The following PPM1H variants were observed in gnomAD, a reference collection of about 807,000 sequenced individuals.
The protein encoded by PPM1H is protein phosphatase, Mg2+/Mn2+ dependent 1H.
In PPM1H, 27 loss-of-function variants were observed where a neutral mutation model predicts 54.9. The ratio of observed to expected loss-of-function variants is 0.49; its 90% CI spans 0.36 to 0.68. PPM1H has a LOEUF of 0.68. PPM1H is among the 30% of genes least tolerant of loss of function. The probability of loss-of-function intolerance (pLI) is 0.00; values close to 1 mark genes in which losing one functional copy is unlikely to be tolerated. For synonymous variants in PPM1H, 305 were observed against 270.8 expected, an observed-to-expected ratio of 1.13 and a Z score of -1.24; for missense variants, 596 against 667.8, an observed-to-expected ratio of 0.89 and a Z score of 1.19.
At position 62,785,092 on chromosome 12, in the gene PPM1H, A is replaced by AT. The variant is rs917976593; in HGVS notation, c.869+3133dup. On this transcript the variant is annotated intron_variant, in intron 4 of 9. Coordinates refer to ENST00000228705, the MANE Select transcript of PPM1H (RefSeq NM_020700.2). Reference sequence around the variant, plus strand: ...AGGTTTTAGAGATACTGCTTTTTTGATTTTTTTTTAAATGTTTTACAGCTT... The same window carrying AT: ...AGGTTTTAGAGATACTGCTTTTTTGATTTTTTTTTTAAATGTTTTACAGCTT... 1.1e-4 allele frequency among the ~76,000 whole-genome samples: 16 copies of AT among 151,734 alleles called. No homozygotes were observed. The South Asian group carries it at 1.3e-3, about 12-fold the overall frequency.
At chr12:62,908,031 G>T (rs1871351022) in intron 1 of PPM1H, among the ~76,000 whole-genome samples, 1 of 152,188 alleles carries the variant, frequency 6.6e-6, no homozygotes, top group South Asian at 2.1e-4. Context: ...TAGTACACAA[G>T]ATTAAAAAGT....
At chr12:62,754,220 T>A (rs78661146) in intron 4 of PPM1H, among the ~76,000 whole-genome samples, 7 of 152,196 alleles carry the variant, frequency 4.6e-5, no homozygotes, top group Admixed American at 2.0e-4. Flanking sequence ...TAATTTTTTT[T>A]AACATAGAAG....
chr12:62,914,312 C>T (rs1045763574), intron 1 of PPM1H, among the ~76,000 whole-genome samples: 3 of 152,182 alleles, frequency 2.0e-5, no homozygotes, highest in South Asian at 2.1e-4. Flanking sequence ...CAGAGGCTTT[C>T]GCCAGATGCC....
At chr12:62,881,490 G>C (rs1870394336) in intron 1 of PPM1H, among the ~76,000 whole-genome samples, 1 of 152,134 alleles carries the variant, frequency 6.6e-6, no homozygotes, top group South Asian at 2.1e-4. Flanking sequence ...GCAGGAGAAA[G>C]GGAGGAAAAA....
At chr12:62,868,286 G>C (rs1297267760) in intron 1 of PPM1H, among the ~76,000 whole-genome samples, 1 of 152,190 alleles carries the variant, frequency 6.6e-6, no homozygotes, top group East Asian at 1.9e-4. Context: ...ATTTGTTATA[G>C]ATTCCCTGTA....
At chr12:62,649,963 C>T (rs1488745119) in intron 9 of PPM1H, among the ~76,000 whole-genome samples, 1 of 152,194 alleles carries the variant, frequency 6.6e-6, no homozygotes, top group East Asian at 1.9e-4. Context: ...GGAAGCCAGC[C>T]TGTGGGCCTT....
At chr12:62,693,108 T>G (rs1186207944) in intron 7 of PPM1H, among the ~76,000 whole-genome samples, 1 of 152,084 alleles carries the variant, frequency 6.6e-6, no homozygotes, top group Non-Finnish European at 1.5e-5. Flanking sequence ...TCACACCGAG[T>G]TGAAATGTAT....
At chr12:62,807,379 T>C (rs1258810996) in intron 2 of PPM1H, among the ~76,000 whole-genome samples, 1 of 152,108 alleles carries the variant, frequency 6.6e-6, no homozygotes, top group East Asian at 1.9e-4. Flanking sequence ...TAAAAAACAT[T>C]CAGTCACATT....
intron 8 of PPM1H, among the ~76,000 whole-genome samples, chr12:62,688,002 C>G (rs1435613952): frequency 1.5e-5 from 2 of 130,368 alleles, no homozygotes; most frequent in African/African-American, 6.7e-5. Context: ...GAGTGAGACT[C>G]CATCTCAAAA....
At chr12:62,843,582 AACAC>A (rs1368663360) in intron 1 of PPM1H, among the ~76,000 whole-genome samples, 13 of 152,326 alleles carry the variant, frequency 8.5e-5, no homozygotes, top group Admixed American at 7.8e-4. Flanking sequence ...CTATAAATAA[AACAC>A]AGGTAACACA....
rs1383920477 is a variant in PPM1H, at chr12:62,654,396, T to C, written c.1398-5760A>G. On this transcript the variant is annotated intron_variant, in intron 9 of 9. Transcript: ENST00000228705. ...TAAGGGAAAAACAAATGAGCATGCG[T>C]ACTTCAGTAAGCACACTGCATATGC... 2.0e-5 allele frequency among the ~76,000 whole-genome samples: 3 copies of C among 152,100 alleles called. No individual in the cohort carries two copies. In the East Asian group the frequency reaches 5.8e-4, roughly 29 times the overall value.
intron 1 of PPM1H, among the ~76,000 whole-genome samples, chr12:62,871,224 C>G (rs1397118634): frequency 6.6e-6 from 1 of 152,048 alleles, no homozygotes. Flanking sequence ...AAAGGAAGTA[C>G]AGATCCATGC....
chr12:62,785,873 A>G (rs2076667730), intron 4 of PPM1H, among the ~76,000 whole-genome samples: 1 of 151,962 alleles, frequency 6.6e-6, no homozygotes, highest in Non-Finnish European at 1.5e-5. Context: ...AAAAAAAAAA[A>G]AAAAGAGAGA....
At chr12:62,652,862 T>C (rs1331939302) in intron 9 of PPM1H, among the ~76,000 whole-genome samples, 2 of 152,200 alleles carry the variant, frequency 1.3e-5, no homozygotes, top group African/African-American at 4.8e-5. Flanking sequence ...AACTACTCCT[T>C]GCTTCTGGAT....
Position 62,645,932 on chromosome 12 carries a change from T to C in PPM1H, c.*2557A>G, listed in dbSNP as rs1237464282. The C allele has an allele frequency of 2.0e-5, 3 of 152,212 alleles. No homozygotes were observed. Among genetic ancestry groups the C allele is most frequent in the African/African-American group, 7.2e-5 (3 of 41,454 alleles). 9.4% of individuals were successfully genotyped at this position (152,212 alleles called of 1,614,324 possible). ...CGTTATGTAGACACGGTTACTGTTT[T>C]AGGACTGGGTGACATGGGGCCTGGG... On this transcript the variant is annotated 3_prime_UTR_variant, in exon 10 of 10. Coordinates refer to ENST00000228705, the MANE Select transcript of PPM1H (RefSeq NM_020700.2).
At chr12:62,879,108 C>T (rs1870297256) in intron 1 of PPM1H, among the ~76,000 whole-genome samples, 2 of 152,176 alleles carry the variant, frequency 1.3e-5, no homozygotes, top group South Asian at 2.1e-4. Context: ...TTTGTACTAA[C>T]GTCTTACCCT....
intron 2 of PPM1H, among the ~76,000 whole-genome samples, chr12:62,819,934 G>C (rs2076892015): frequency 6.6e-6 from 1 of 152,188 alleles, no homozygotes. Context: ...TGGACAGTGA[G>C]TGCAGCCCAA....
intron 8 of PPM1H, among the ~76,000 whole-genome samples, chr12:62,684,914 A>T (rs2076042872): frequency 2.0e-5 from 3 of 151,928 alleles, no homozygotes; most frequent in Non-Finnish European, 4.4e-5. Flanking sequence ...CTGCTCCAAA[A>T]ATTGTGGACA....
intron 1 of PPM1H, among the ~76,000 whole-genome samples, chr12:62,886,531 C>T (rs147465640): frequency 1.6e-4 from 25 of 152,262 alleles, no homozygotes; most frequent in Non-Finnish European, 3.1e-4. Flanking sequence ...AATGTCTACA[C>T]CTCCTCAGAG....
Sources: gnomAD v4.1 joint callset for allele counts (sites outside exome capture counted in the v4.1 genomes callset) on GRCh38, gnomAD v4.1.1 for gene constraint, MANE v1.5 for transcripts, NCBI Gene and HGNC (gene_info 2026-07-23, HGNC 2026-07-21) for gene names.